The following GPD1L variants were observed in gnomAD, a reference collection of about 807,000 sequenced individuals.
The protein encoded by GPD1L is glycerol-3-phosphate dehydrogenase 1-like protein.
GPD1L carries 17 observed loss-of-function variants against 32.9 expected under a neutral mutation model. The observed-to-expected ratio is 0.52, with a 90% CI of 0.35 to 0.78. The LOEUF is 0.78. Among genes scored for constraint, GPD1L ranks in the 30% least tolerant of loss-of-function variants. The pLI, the probability that GPD1L is intolerant of heterozygous loss-of-function variation, is 0.01. For synonymous variants in GPD1L, 187 were observed against 165.9 expected, an observed-to-expected ratio of 1.13 and a Z score of -0.98; for missense variants, 361 against 447.8, an observed-to-expected ratio of 0.81 and a Z score of 1.75.
intron 1 of GPD1L, among the ~76,000 whole-genome samples, chr3:32,120,907 C>G (rs953076201): frequency 6.6e-6 from 1 of 152,058 alleles, no homozygotes; most frequent in Non-Finnish European, 1.5e-5. Flanking sequence ...AGGCTGTGGA[C>G]AGAGTGAATG....
chr3:32,116,728 T>C (rs1700337882), intron 1 of GPD1L, among the ~76,000 whole-genome samples: 1 of 152,250 alleles, frequency 6.6e-6, no homozygotes, highest in African/African-American at 2.4e-5. Flanking sequence ...AGAACCCATC[T>C]GTGAGGCCTT....
At chr3:32,143,165 C>G (rs574232380) in intron 4 of GPD1L, among the ~76,000 whole-genome samples, 34 of 151,908 alleles carry the variant, frequency 2.2e-4, no homozygotes, top group African/African-American at 8.2e-4. Flanking sequence ...TCATTGCACT[C>G]CTGCCTGGGT....
At chr3:32,127,699 A>C (rs986795059) in intron 1 of GPD1L, among the ~76,000 whole-genome samples, 36 of 152,148 alleles carry the variant, frequency 2.4e-4, no homozygotes, top group African/African-American at 8.7e-4. Flanking sequence ...GTTGCAGTTC[A>C]TCAAGACACA....
intron 2 of GPD1L, among the ~76,000 whole-genome samples, chr3:32,132,314 G>A (rs1700596902): frequency 6.6e-6 from 1 of 152,178 alleles, no homozygotes; most frequent in African/African-American, 2.4e-5. Flanking sequence ...GGCATTATTT[G>A]TGGTTTGAAT....
intron 5 of GPD1L, among the ~76,000 whole-genome samples, chr3:32,156,041 G>T (rs1450876795): frequency 9.9e-5 from 15 of 152,128 alleles, no homozygotes; most frequent in Non-Finnish European, 2.2e-4. Context: ...CATCCTAAAA[G>T]GTCTGGCTGT....
intron 4 of GPD1L, 95 bp downstream of exon 4, chr3:32,140,461 C>T (rs1700727722): frequency 2.2e-6 from 3 of 1,381,264 alleles, no homozygotes; most frequent in Non-Finnish European, 3.1e-6. Flanking sequence ...ATAGACTCTT[C>T]CCTGTCCCTC....
intron 1 of GPD1L, among the ~76,000 whole-genome samples, chr3:32,123,731 C>G (rs150510657): frequency 3.3e-5 from 5 of 151,222 alleles, no homozygotes; most frequent in African/African-American, 4.9e-5. Flanking sequence ...GATAGATATG[C>G]AGGAGTTGAA....
intron 1 of GPD1L, among the ~76,000 whole-genome samples, chr3:32,121,978 T>G (rs1294322630): frequency 1.3e-5 from 2 of 151,490 alleles, no homozygotes; most frequent in African/African-American, 2.4e-5. Flanking sequence ...ACCATGTTGG[T>G]CAGGCTGGTC....
rs112040767 is a variant in GPD1L, at chr3:32,120,122, A to G, written c.48-7954A>G. 3.8e-3 allele frequency among the ~76,000 whole-genome samples: 586 copies of G among 152,290 alleles called. 8 individuals carry two copies. Among genetic ancestry groups the G allele is most frequent in the African/African-American group, 0.013 (549 of 41,560 alleles). ...GGCGGATCACAAAGAGATCAAGACC[A>G]TGCCAGCCAACATGGTGAAACCCTG... On this transcript the variant is annotated intron_variant, in intron 1 of 7. Coordinates refer to ENST00000282541, the MANE Select transcript of GPD1L (RefSeq NM_015141.4).
intron 5 of GPD1L, chr3:32,158,563 A>G: frequency 2.0e-6 from 1 of 503,618 alleles, no homozygotes; most frequent in Non-Finnish European, 3.6e-6. Context: ...ACAAAACAAA[A>G]AGTAAAGTAG....
At chr3:32,149,137 G>T (rs1700874653) in intron 5 of GPD1L, among the ~76,000 whole-genome samples, 1 of 152,208 alleles carries the variant, frequency 6.6e-6, no homozygotes, top group Non-Finnish European at 1.5e-5. Flanking sequence ...ATGGCTCATT[G>T]CAACCTCAGC....
chr3:32,159,138 C>G (rs139857375), intron 6 of GPD1L, 29 bp downstream of exon 6: 1 of 1,532,804 alleles, frequency 6.5e-7, no homozygotes, highest in African/African-American at 1.4e-5. Flanking sequence ...TCCCGCACCC[C>G]CTCCTTCCTC....
At chr3:32,136,925 C>T (rs1184141640) in intron 2 of GPD1L, among the ~76,000 whole-genome samples, 3 of 152,194 alleles carry the variant, frequency 2.0e-5, no homozygotes, top group African/African-American at 7.2e-5. Flanking sequence ...AACCACTTCT[C>T]CCTCTCACAT....
intron 5 of GPD1L, among the ~76,000 whole-genome samples, chr3:32,157,306 C>A (rs1372497209): frequency 6.6e-6 from 1 of 151,364 alleles, no homozygotes; most frequent in Non-Finnish European, 1.5e-5. Context: ...TGCAGTGGTG[C>A]GATCTCGGCT....
chr3:32,149,480 GA>G (rs1700879806), intron 5 of GPD1L, among the ~76,000 whole-genome samples: 1 of 152,084 alleles, frequency 6.6e-6, no homozygotes, highest in South Asian at 2.1e-4. Context: ...GACTTACTAG[GA>G]AAAATGTGAA....
Position 32,167,544 on chromosome 3 carries a change from G to T in GPD1L, c.*1634G>T, listed in dbSNP as rs186019566. 2.6e-5 allele frequency: 4 copies of T among 152,640 alleles called. No individual in the cohort carries two copies. The highest frequency in any genetic ancestry group is 5.9e-5 in the Non-Finnish European group (4 of 68,034). The allele number at this position is 152,640 out of a possible 1,614,324, so 9.5% of individuals were successfully genotyped here. On this transcript the variant is annotated 3_prime_UTR_variant, in exon 8 of 8. Transcript: ENST00000282541. The stretch of plus-strand genomic sequence containing the variant: ...TACAAGATGTCAGCTTTGCTGAAAC[G>T]CACATTACCTGGAATAAGTGCTTTA...
rs550490676 is a variant in GPD1L, at chr3:32,147,980, T to G, written c.618+1246T>G. ...ACATGCATATTTCTAAGCGCCTGTGTGGGGCATTCTTTGCATTAGCATTAC... is the reference window on the plus strand; with the variant it reads ...ACATGCATATTTCTAAGCGCCTGTGGGGGGCATTCTTTGCATTAGCATTAC... On this transcript the variant is annotated intron_variant, in intron 5 of 7. Transcript: ENST00000282541. Among the ~76,000 whole-genome samples, 8 of 152,374 alleles carry G rather than the reference T, an allele frequency of 5.3e-5. No homozygotes were observed. In the East Asian group the frequency reaches 1.5e-3, roughly 29 times the overall value.
Position 32,112,268 on chromosome 3 carries a change from A to G in GPD1L, c.47+5510A>G, listed in dbSNP as rs2125467799. Among the ~76,000 whole-genome samples the G allele has an allele frequency of 3.3e-5, 4 of 120,450 alleles. 2 individuals are homozygous for G. The South Asian group carries it at 1.3e-3, about 39-fold the overall frequency. 79.0% of individuals were successfully genotyped at this position (120,450 alleles called of 152,430 possible). A position where few individuals can be genotyped will look rare whatever the true frequency, so the allele number is the denominator to read the frequency against. On this transcript the variant is annotated intron_variant, in intron 1 of 7. Coordinates refer to ENST00000282541, the MANE Select transcript of GPD1L (RefSeq NM_015141.4). ...TGAGGTGGAGAATCATTTGAGCCCC[A>G]CAATTTGAGTCCAGCCTGAGAAACA...
At chr3:32,114,386 A>T (rs558422351) in intron 1 of GPD1L, among the ~76,000 whole-genome samples, 47 of 152,354 alleles carry the variant, frequency 3.1e-4, no homozygotes, top group Admixed American at 2.5e-3. Context: ...TTTCTAGTCC[A>T]TGTGTTCAGA....
Sources: allele counts gnomAD v4.1 joint callset (sites outside exome capture counted in the v4.1 genomes callset), GRCh38; gene constraint gnomAD v4.1.1; transcripts MANE v1.5; gene names NCBI Gene and HGNC (gene_info 2026-07-23, HGNC 2026-07-21).